Variants in EHBP1L1 observed in about 807,000 individuals in gnomAD.
EHBP1L1 encodes EH domain-binding protein 1-like protein 1.
In EHBP1L1, 122 loss-of-function variants were observed where a neutral mutation model predicts 151.1. That is an observed-to-expected ratio of 0.81 (90% CI 0.70 to 0.94). The LOEUF is 0.94. EHBP1L1 is among the 40% of genes least tolerant of loss of function. The probability of loss-of-function intolerance (pLI) is 0.00; values close to 1 mark genes in which losing one functional copy is unlikely to be tolerated. For synonymous variants in EHBP1L1, 878 were observed against 810.1 expected, an observed-to-expected ratio of 1.08 and a Z score of -1.42; for missense variants, 1,941 against 1,959.8, an observed-to-expected ratio of 0.99 and a Z score of 0.18.
chr11:65,589,527 A>G (rs376331852), intron 12 of EHBP1L1, among the ~76,000 whole-genome samples: 2 of 152,312 alleles, frequency 1.3e-5, no homozygotes, highest in East Asian at 3.9e-4. Context: ...CCAGGGCCAC[A>G]GGGCCAGGAA....
rs542151007 is a variant in EHBP1L1, at chr11:65,590,091, G to A, written c.4064G>A (p.Arg1355Gln). 114 of 1,613,846 alleles carry A rather than the reference G, an allele frequency of 7.1e-5. No homozygotes were observed. In the South Asian group the frequency reaches 9.0e-4, roughly 13 times the overall value. Residue 1355 changes from arginine (R) to glutamine (Q), a missense_variant, in exon 15 of 19, where the codon CGG becomes CAG. By Grantham distance (43) the Arg-to-Gln change is conservative. Coordinates refer to ENST00000309295, the MANE Select transcript of EHBP1L1 (RefSeq NM_001099409.3). Reference sequence around the variant, plus strand: ...CTCTGCCTTTTCCACCCCCAGCAACGGTTCCAGGACACAAGTCAGTACGTG... The same window carrying A: ...CTCTGCCTTTTCCACCCCCAGCAACAGTTCCAGGACACAAGTCAGTACGTG... ...PSPGEEAGLQ[R>Q]FQDTSQYVCA...
rs1554983302 is a variant in EHBP1L1 at position 65,583,467 on chromosome 11, T to C, written c.2795T>C (p.Leu932Pro). ...GTACAAGGGTCAGAGACTCAAGTTCTGAGAGTCCAGGAGGCAGAGGCTGGG... is the reference window on the plus strand; with the variant it reads ...GTACAAGGGTCAGAGACTCAAGTTCCGAGAGTCCAGGAGGCAGAGGCTGGG... ...SGVQGSETQV[L>P]RVQEAEAGVW... The change falls in exon 9 of 19, where the codon CTG becomes CCG. Residue 932 changes from leucine to proline, a missense_variant. Physicochemically the swap from Leu to Pro is moderately conservative, Grantham distance 98. Coordinates refer to ENST00000309295, the MANE Select transcript of EHBP1L1 (RefSeq NM_001099409.3). 3.7e-6 allele frequency: 6 copies of C among 1,613,368 alleles called. No individual in the cohort carries two copies. Among genetic ancestry groups the C allele is most frequent in the Non-Finnish European group, 5.1e-6 (6 of 1,179,720 alleles).
rs549155607 is a variant in EHBP1L1 at position 65,584,516 on chromosome 11, C to G, written c.3282C>G (p.Ile1094Met). The change falls in exon 11 of 19, where the codon ATC becomes ATG. Residue 1094 changes from isoleucine to methionine, a missense_variant. By Grantham distance (10) the Ile-to-Met change is conservative (BLOSUM62 1). Transcript: ENST00000309295. ...ATGCCTCGCTAGACCCACTCAACATCAAGCAGAACAACAAGCAGGTGAGAT... is the reference window on the plus strand; with the variant it reads ...ATGCCTCGCTAGACCCACTCAACATGAAGCAGAACAACAAGCAGGTGAGAT... The part of the protein sequence containing the change: ...IDYASLDPLN[I>M]KQNNKQAFDG... 1 of 1,612,272 alleles carries G rather than the reference C, an allele frequency of 6.2e-7. No individual in the cohort carries two copies. The highest frequency in any genetic ancestry group is 1.7e-5 in the Admixed American group (1 of 59,862).
At chr11:65,584,198 C>A in intron 9 of EHBP1L1, 43 bp from the exon 10 acceptor site, 1 of 1,586,330 alleles carries the variant, frequency 6.3e-7, no homozygotes, top group Non-Finnish European at 8.5e-7. Context: ...AGAGGGCATA[C>A]ATCCCATTTA....
At position 65,583,080 on chromosome 11, in the gene EHBP1L1, G is replaced by T. The variant is rs1857722913; in HGVS notation, c.2408G>T (p.Gly803Val). 6.2e-7 allele frequency: 1 copy of T among 1,613,204 alleles called. No individual in the cohort carries two copies. The highest frequency in any genetic ancestry group is 1.7e-5 in the Admixed American group (1 of 59,972). Residue 803 changes from glycine (G) to valine (V), a missense_variant, in exon 9 of 19, where the codon GGT becomes GTT. Physicochemically the swap from Gly to Val is moderately radical, Grantham distance 109 (BLOSUM62 -3). Coordinates refer to ENST00000309295, the MANE Select transcript of EHBP1L1 (RefSeq NM_001099409.3). ...TTGIQVKEVG[G>V]SEVPEIATGT... ...GGGATCCAGGTGAAAGAGGTTGGGG[G>T]TTCAGAGGTTCCAGAGATAGCGACT...
chr11:65,583,559 G>C lies in EHBP1L1; in HGVS notation c.2887G>C (p.Glu963Gln). ...GAQEAEMKVL[E>Q]SPENKSGTFK... ...CCAGGAAGCAGAGATGAAGGTTTTA[G>C]AGTCTCCAGAGAACAAATCTGGTAC... The change falls in exon 9 of 19, where the codon GAG becomes CAG. Residue 963 changes from glutamate to glutamine, a missense_variant. Physicochemically the swap from Glu to Gln is conservative, Grantham distance 29 (BLOSUM62 2). Coordinates refer to ENST00000309295, the MANE Select transcript of EHBP1L1 (RefSeq NM_001099409.3). 1 of 1,612,614 alleles carries C rather than the reference G, an allele frequency of 6.2e-7. No homozygotes were observed. Among genetic ancestry groups the C allele is most frequent in the Non-Finnish European group, 8.5e-7 (1 of 1,179,402 alleles).
chr11:65,581,062 C>G lies in EHBP1L1; in HGVS notation c.639C>G (p.Pro213=). ...CCCCTCTCCTACCATTCCCAGATCC[C>G]TCTCGAGAGCTGAAGACGCTTTGTG... ...EARARVPQPD[P]SRELKTLCEE... The change falls in exon 7 of 19, where the codon CCC becomes CCG. Residue 213 remains proline (P), a synonymous_variant. Transcript: ENST00000309295. The G allele has an allele frequency of 6.2e-7, 1 of 1,608,670 alleles. No individual in the cohort carries two copies. Among genetic ancestry groups the G allele is most frequent in the Non-Finnish European group, 8.5e-7 (1 of 1,177,766 alleles).
At position 65,579,981 on chromosome 11, in the gene EHBP1L1, AT is replaced by A; in HGVS notation, c.306del (p.Ile102MetfsTer32). ...QYEAKEWTFIIENESKGQRKV... is the reference protein window; with the variant it reads ...QYEAKEWTFIXENESKGQRKV... Reference sequence around the variant, plus strand: ...TGAGGCCAAAGAGTGGACATTTATTATTGAAAATGTGAGTGTCTGGAGTGGG... The same window carrying A: ...TGAGGCCAAAGAGTGGACATTTATTATGAAAATGTGAGTGTCTGGAGTGGG... On this transcript the variant is annotated frameshift_variant, in exon 4 of 19. Transcript: ENST00000309295. LOFTEE classifies it high-confidence loss of function. The A allele has an allele frequency of 6.2e-7, 1 of 1,613,856 alleles. No homozygotes were observed. Among genetic ancestry groups the A allele is most frequent in the Non-Finnish European group, 8.5e-7 (1 of 1,179,872 alleles).
chr11:65,581,311 T>C lies in EHBP1L1; in HGVS notation c.804T>C (p.Asn268=), dbSNP rs1445460258. Residue 268 remains asparagine (N), a synonymous_variant, in exon 8 of 19, where the codon AAT becomes AAC. Transcript: ENST00000309295. ...TSRGQGSERA[N]EAGGQVGPEA... ...GAGGCCAGGGGTCAGAACGAGCTAATGAAGCGGGGGGCCAGGTAGGCCCTG... is the reference window on the plus strand; with the variant it reads ...GAGGCCAGGGGTCAGAACGAGCTAACGAAGCGGGGGGCCAGGTAGGCCCTG... 6.2e-7 allele frequency: 1 copy of C among 1,611,088 alleles called. No individual in the cohort carries two copies. Among genetic ancestry groups the C allele is most frequent in the Admixed American group, 1.7e-5 (1 of 59,868 alleles).
At chr11:65,576,511 C>T (rs1857334094) in intron 1 of EHBP1L1, 105 bp downstream of exon 1, 4 of 999,390 alleles carry the variant, frequency 4.0e-6, no homozygotes, top group Admixed American at 2.7e-5. Context: ...ACCAAATGGG[C>T]CCCCACCCCA....
chr11:65,582,396 A>G lies in EHBP1L1; in HGVS notation c.1724A>G (p.Glu575Gly). 1 of 1,602,786 alleles carries G rather than the reference A, an allele frequency of 6.2e-7. No homozygotes were observed. Among genetic ancestry groups the G allele is most frequent in the Non-Finnish European group, 8.5e-7 (1 of 1,175,650 alleles). ...GGSGDLETET[E>G]VVGLEVLGTQ... ...TCAGGGGACCTGGAAACAGAGACTGAGGTGGTAGGGTTGGAGGTGCTGGGA... is the reference window on the plus strand; with the variant it reads ...TCAGGGGACCTGGAAACAGAGACTGGGGTGGTAGGGTTGGAGGTGCTGGGA... The change falls in exon 9 of 19, where the codon GAG becomes GGG. Residue 575 changes from glutamate to glycine, a missense_variant. By Grantham distance (98) the Glu-to-Gly change is moderately conservative. Transcript: ENST00000309295.
At chr11:65,581,471 G>C in intron 8 of EHBP1L1, 68 bp from the exon 9 acceptor site, 2 of 1,413,394 alleles carry the variant, frequency 1.4e-6, no homozygotes, top group South Asian at 1.5e-5. Flanking sequence ...CAGTCTGAAG[G>C]GTGGCGGATG....
At position 65,591,869 on chromosome 11, in the gene EHBP1L1, C is replaced by T. The variant is rs1333734913; in HGVS notation, c.4353C>T (p.Ile1451=). The change falls in exon 17 of 19, where the codon ATC becomes ATT. Residue 1451 remains isoleucine, a synonymous_variant. Transcript: ENST00000309295. ...GCGAGCTGCGGGCCATGCTGGCCATCGAAGGTGGGACATGGGCTCAGGGGC... is the reference window on the plus strand; with the variant it reads ...GCGAGCTGCGGGCCATGCTGGCCATTGAAGGTGGGACATGGGCTCAGGGGC... ...LSRELRAMLA[I]EDWQKTSAQQ... 1.3e-6 allele frequency: 2 copies of T among 1,584,084 alleles called. No individual in the cohort carries two copies. The highest frequency in any genetic ancestry group is 1.7e-6 in the Non-Finnish European group (2 of 1,165,792).
chr11:65,591,517 T>C, intron 16 of EHBP1L1: 1 of 552,616 alleles, frequency 1.8e-6, no homozygotes, highest in Non-Finnish European at 3.2e-6. Context: ...CTGTAGCCAG[T>C]GCTTCCTGTT....
chr11:65,580,038 C>G lies in EHBP1L1; in HGVS notation c.313-43C>G, dbSNP rs372090656. The G allele has an allele frequency of 1.5e-4, 239 of 1,613,442 alleles. 1 individual carries two copies. The highest frequency in any genetic ancestry group is 1.1e-5 in the Non-Finnish European group (13 of 1,179,616). On this transcript the variant is annotated intron_variant, in intron 4 of 18. Coordinates refer to ENST00000309295, the MANE Select transcript of EHBP1L1 (RefSeq NM_001099409.3). ...GTCTGGAATCTTGGGGACCCTGGGA[C>G]AGCACTGATGCCCCTTCTCCTGGTC...
chr11:65,589,145 C>G (rs1858125464), intron 12 of EHBP1L1, among the ~76,000 whole-genome samples: 1 of 152,196 alleles, frequency 6.6e-6, no homozygotes, highest in Non-Finnish European at 1.5e-5. Context: ...TGGCTCACAC[C>G]TGTAATCCCA....
In EHBP1L1 at chr11:65,585,373, C is replaced by T. The variant is rs1367832805; in HGVS notation, c.3715C>T (p.Leu1239=). 8.4e-7 allele frequency: 1 copy of T among 1,193,148 alleles called. No homozygotes were observed. The highest frequency in any genetic ancestry group is 2.3e-5 in the South Asian group (1 of 42,766). The allele number at this position is 1,193,148 out of a possible 1,614,324, so 73.9% of individuals were successfully genotyped here. The change falls in exon 12 of 19, where the codon CTG becomes TTG. Residue 1239 remains leucine (L), a synonymous_variant. Transcript: ENST00000309295. This position sits in a 1 kb window ranked among gnomAD's most constrained non-coding sequence, Gnocchi z 4.0. ...SRPAEVPAEG[L]VNGAGAPGGG... The stretch of plus-strand genomic sequence containing the variant: ...ACCCGCGGAGGTCCCGGCCGAGGGG[C>T]TGGTGAACGGGGCGGGGGCACCGGG...
chr11:65,579,045 C>G, intron 1 of EHBP1L1, 33 bp from the exon 2 acceptor site: 1 of 1,557,396 alleles, frequency 6.4e-7, no homozygotes, highest in Non-Finnish European at 8.7e-7. Context: ...AAGCAGCCTG[C>G]TCCCTTTCTC....
chr11:65,578,714 GTGTGCACGA>G lies in EHBP1L1; in HGVS notation c.105-361_105-353del, dbSNP rs1177398899. Among the ~76,000 whole-genome samples the G allele has an allele frequency of 2.6e-5, 4 of 152,350 alleles. No individual in the cohort carries two copies. The South Asian group carries it at 8.3e-4, about 32-fold the overall frequency. ...TCTCTCCCTGTGTTGGAGTCTGCGT[GTGTGCACGA>G]TGCTCACATGTGCATCTGTGTCTGG... On this transcript the variant is annotated intron_variant, in intron 1 of 18. Transcript: ENST00000309295.
Sources: gnomAD v4.1 joint callset for allele counts (sites outside exome capture counted in the v4.1 genomes callset) on GRCh38, gnomAD v4.1.1 for gene constraint, Gnocchi (gnomAD v3.1) non-coding constraint, MANE v1.5 for transcripts, NCBI Gene and HGNC (gene_info 2026-07-23, HGNC 2026-07-21) for gene names.